EIF2D: variants seen among roughly 807,000 people sequenced by gnomAD.
EIF2D encodes hepatocellular carcinoma-associated antigen 56.
Under a neutral mutation model 77.4 loss-of-function variants are expected in EIF2D, and 56 were observed. The ratio of observed to expected loss-of-function variants is 0.72; its 90% confidence interval spans 0.58 to 0.90. The LOEUF (loss-of-function observed/expected upper bound fraction) is 0.90, where lower values mean the gene tolerates loss of function less well. Ranked by LOEUF, EIF2D falls within the 40% of genes least tolerant of loss-of-function variation. The pLI is 0.00. For synonymous variants in EIF2D, 230 were observed against 271.0 expected, an observed-to-expected ratio of 0.85 and a Z score of 1.49; for missense variants, 574 against 706.5, an observed-to-expected ratio of 0.81 and a Z score of 2.13.
At chr1:206,607,527 G>C (rs1386070382) in intron 4 of EIF2D, among the ~76,000 whole-genome samples, 2 of 152,164 alleles carry the variant, frequency 1.3e-5, no homozygotes, top group East Asian at 3.8e-4. Context: ...GCGAGGCCAA[G>C]GCAGGAGTAT....
intron 8 of EIF2D, 21 bp downstream of exon 8, chr1:206,600,242 G>A (rs1669857918): frequency 2.5e-6 from 4 of 1,612,810 alleles, no homozygotes; most frequent in Non-Finnish European, 1.7e-6. Flanking sequence ...GCATGGGTCT[G>A]CAAAGAAGAT....
In EIF2D at chr1:206,584,300, G is replaced by A. The variant is rs1669014265; in HGVS notation, c.139-3138C>T. 1 of 1,321,828 alleles carries A rather than the reference G, an allele frequency of 7.6e-7. No homozygotes were observed. Among genetic ancestry groups the A allele is most frequent in the Non-Finnish European group, 1.0e-6 (1 of 962,534 alleles). 81.9% of individuals were successfully genotyped at this position (1,321,828 alleles called of 1,614,324 possible). On this transcript the variant is annotated intron_variant and NMD_transcript_variant, in intron 2 of 5. Transcript: ENST00000472709. This position sits in a 1 kb window ranked among gnomAD's most constrained non-coding sequence, Gnocchi z 4.9. ...GGAAAGAACTCAAGGAGACAGGTGG[G>A]TGCTGCTGGGGCAATGGCCCCGAGT...
intron 4 of EIF2D, among the ~76,000 whole-genome samples, chr1:206,573,477 C>G (rs1316947600): frequency 6.6e-6 from 1 of 152,180 alleles, no homozygotes; most frequent in African/African-American, 2.4e-5. Context: ...AAGACAGGCA[C>G]GGGTGCTTCT....
chr1:206,591,650 A>T lies in EIF2D; in HGVS notation c.*125T>A. On this transcript the variant is annotated 3_prime_UTR_variant, in exon 15 of 15. Coordinates refer to ENST00000271764, the MANE Select transcript of EIF2D (RefSeq NM_006893.3). ...ACAAGAGGGAAGTCAGATTTAGATT[A>T]GAATAAAAATTTATTTTTGTAAAGA... 1.1e-6 allele frequency: 1 copy of T among 883,148 alleles called. No individual in the cohort carries two copies. Among genetic ancestry groups the T allele is most frequent in the Non-Finnish European group, 1.8e-6 (1 of 564,704 alleles). 54.7% of individuals were successfully genotyped at this position (883,148 alleles called of 1,614,324 possible).
At chr1:206,574,462 C>T (rs1178378416) in intron 4 of EIF2D, among the ~76,000 whole-genome samples, 1 of 152,192 alleles carries the variant, frequency 6.6e-6, no homozygotes, top group African/African-American at 2.4e-5. Flanking sequence ...TGACCATCTG[C>T]TCTACGTTTT....
rs1553410880 is a variant in EIF2D, at chr1:206,599,694, G to A, written c.1052+39C>T. ...CCCAGTCCGTGGCCCAGGTGCCCTG[G>A]GGCCAGCTGGGCTACAGTGACAGGC... is the stretch of plus-strand genomic sequence containing the variant. On this transcript the variant is annotated intron_variant, in intron 9 of 14. Coordinates refer to ENST00000271764, the MANE Select transcript of EIF2D (RefSeq NM_006893.3). This position sits in a 1 kb window ranked among gnomAD's most constrained non-coding sequence, Gnocchi z 4.1. 15 of 1,613,294 alleles carry A rather than the reference G, an allele frequency of 9.3e-6. No homozygotes were observed. Among genetic ancestry groups the A allele is most frequent in the Non-Finnish European group, 1.3e-5 (15 of 1,179,476 alleles).
chr1:206,595,545 G>A (rs1210073428), intron 13 of EIF2D, 173 bp downstream of exon 13: 1 of 669,596 alleles, frequency 1.5e-6, no homozygotes, highest in Non-Finnish European at 2.3e-6. Context: ...AGCGGGGTCA[G>A]CTTTACCTGT....
chr1:206,589,159 G>A (rs1346795658), downstream of EIF2D: 3 of 152,670 alleles, frequency 2.0e-5, no homozygotes, highest in Non-Finnish European at 2.9e-5. Flanking sequence ...TGCTGGTAGT[G>A]CCTTCTTTGG....
rs1553409942 is a variant in EIF2D, at chr1:206,595,812, T to C, written c.1415A>G (p.Tyr472Cys). 6.2e-7 allele frequency: 1 copy of C among 1,614,174 alleles called. No homozygotes were observed. The highest frequency in any genetic ancestry group is 1.7e-5 in the Admixed American group (1 of 60,018). The change falls in exon 13 of 15, where the codon TAT becomes TGT. Residue 472 changes from tyrosine (Y) to cysteine (C), a missense_variant. Coordinates refer to ENST00000271764, the MANE Select transcript of EIF2D (RefSeq NM_006893.3). The stretch of plus-strand genomic sequence containing the variant: ...CTCTTGTCCGGGAAGGGTCACTTGA[T>C]AGGCAGGCTGTAATTTTTCCAAACA... Reference protein sequence around the residue: ...TRCLEKLQPAYQVTLPGQEPI... With the variant: ...TRCLEKLQPACQVTLPGQEPI...
Position 206,604,225 on chromosome 1 carries a change from G to A in EIF2D, c.531-1021C>T, listed in dbSNP as rs374607426. On this transcript the variant is annotated intron_variant, in intron 5 of 14. Transcript: ENST00000271764. ...TGGGAGGCCTAGATGGGCAGATCAC[G>A]TGAGGTTAGGAGTTCGAGACTAGCC... Among the ~76,000 whole-genome samples, 720 of 149,538 alleles carry A rather than the reference G, an allele frequency of 4.8e-3. 10 individuals are homozygous for A. Among genetic ancestry groups the A allele is most frequent in the African/African-American group, 0.017 (699 of 40,468 alleles).
rs961261482 is a variant in EIF2D at position 206,592,959 on chromosome 1, G to T, written c.1684+660C>A. Among the ~76,000 whole-genome samples the T allele has an allele frequency of 1.3e-5, 2 of 152,088 alleles. No individual in the cohort carries two copies. Among genetic ancestry groups the T allele is most frequent in the Non-Finnish European group, 2.9e-5 (2 of 68,000 alleles). Reference sequence around the variant, plus strand: ...TCTACTAAAAATACAAAAATTAGCTGGCCGTGGTGGCATGCGCCTATAATC... The same window carrying T: ...TCTACTAAAAATACAAAAATTAGCTTGCCGTGGTGGCATGCGCCTATAATC... On this transcript the variant is annotated intron_variant, in intron 14 of 14. Coordinates refer to ENST00000271764, the MANE Select transcript of EIF2D (RefSeq NM_006893.3). This position sits in a 1 kb window ranked among gnomAD's most constrained non-coding sequence, Gnocchi z 4.7.
Position 206,584,356 on chromosome 1 carries a change from C to G in EIF2D, c.139-3194G>C. On this transcript the variant is annotated intron_variant and NMD_transcript_variant, in intron 2 of 5. Coordinates refer to the EIF2D transcript ENST00000472709. This position sits in a 1 kb window ranked among gnomAD's most constrained non-coding sequence, Gnocchi z 4.9. ...ATATGATCATGCAAGGCGGACGGCC[C>G]TGACCCCCTGTGACATGCCCCCGCT... 3.1e-6 allele frequency: 5 copies of G among 1,587,412 alleles called. No individual in the cohort carries two copies. Among genetic ancestry groups the G allele is most frequent in the Non-Finnish European group, 4.3e-6 (5 of 1,165,748 alleles).
chr1:206,587,238 G>T (rs1443960439), downstream of EIF2D: 2 of 432,478 alleles, frequency 4.6e-6, no homozygotes, highest in Non-Finnish European at 8.6e-6. Flanking sequence ...GTCCTCTCTC[G>T]ATCTGCAAGC....
At chr1:206,587,787 TCATTGAC>T (rs1473292052), downstream of EIF2D, 6 of 152,434 alleles carry the variant, frequency 3.9e-5, no homozygotes, top group African/African-American at 1.4e-4. Context: ...GGGAAGCCAG[TCATTGAC>T]CATTTAAAAA....
At position 206,597,196 on chromosome 1, in the gene EIF2D, C is replaced by T. The variant is rs1669692800; in HGVS notation, c.1293-1G>A. On this transcript the variant is annotated splice_acceptor_variant, in intron 11 of 14. Transcript: ENST00000271764. LOFTEE classifies it high-confidence loss of function. ...TAGGATGGGATCCAATCTCACAAGA[C>T]TAAAGGGAAAGAAGAGGCAATGAAG... 3.1e-6 allele frequency: 5 copies of T among 1,611,804 alleles called. No individual in the cohort carries two copies. The highest frequency in any genetic ancestry group is 4.2e-6 in the Non-Finnish European group (5 of 1,178,140).
downstream of EIF2D, among the ~76,000 whole-genome samples, chr1:206,570,216 C>T (rs551729369): frequency 3.3e-5 from 5 of 151,458 alleles, no homozygotes; most frequent in Admixed American, 2.6e-4. Flanking sequence ...CTCAGCCTCC[C>T]GAGTAGCTGG....
At chr1:206,597,268 ATC>A in intron 11 of EIF2D, 73 bp from the exon 12 acceptor site, 1 of 1,152,348 alleles carries the variant, frequency 8.7e-7, no homozygotes, top group South Asian at 1.3e-5. Flanking sequence ...TTCAGGATTC[ATC>A]TCTCGTACGG....
At chr1:206,600,407 C>A in intron 7 of EIF2D, 99 bp from the exon 8 acceptor site, 6 of 1,128,276 alleles carry the variant, frequency 5.3e-6, no homozygotes, top group Non-Finnish European at 7.9e-6. Context: ...CTTCCTCCCC[C>A]ACCTTCAGAG....
Position 206,599,387 on chromosome 1 carries a change from A to G in EIF2D, c.1202+76T>C. ...GAGCAGGTTTTGCCAGTCGCAAAAG[A>G]GCACTACTCAGGTTGAGAGGAACTG... On this transcript the variant is annotated intron_variant, in intron 10 of 14. Coordinates refer to ENST00000271764, the MANE Select transcript of EIF2D (RefSeq NM_006893.3). The surrounding 1 kb of genome is among the most constrained non-coding windows in gnomAD (Gnocchi z 4.1). 1.3e-6 allele frequency: 2 copies of G among 1,560,308 alleles called. No homozygotes were observed. The highest frequency in any genetic ancestry group is 1.7e-6 in the Non-Finnish European group (2 of 1,151,618).
Sources: gnomAD v4.1 joint callset for allele counts (sites outside exome capture counted in the v4.1 genomes callset) on GRCh38, gnomAD v4.1.1 for gene constraint, Gnocchi (gnomAD v3.1) non-coding constraint, MANE v1.5 for transcripts, NCBI Gene and HGNC (gene_info 2026-07-23, HGNC 2026-07-21) for gene names.